The following PARP8 variants were observed in gnomAD, a reference collection of about 807,000 sequenced individuals.
PARP8 encodes protein mono-ADP-ribosyltransferase PARP8.
A neutral mutation model predicts 124.1 loss-of-function variants in PARP8; 51 were observed. That is an observed-to-expected ratio of 0.41 (90% confidence interval 0.33 to 0.52). The LOEUF is 0.52. PARP8 is among the 20% of genes least tolerant of loss of function. The probability of loss-of-function intolerance (pLI) is 0.21; values close to 1 mark genes in which losing one functional copy is unlikely to be tolerated. For missense variants in PARP8, 860 were observed against 1,018.9 expected (o/e 0.84, Z 2.12); for synonymous variants, 391 against 361.5 (o/e 1.08, Z -0.93).
At chr5:50,681,178 T>A (rs1751248816) in intron 2 of PARP8, among the ~76,000 whole-genome samples, 1 of 152,210 alleles carries the variant, frequency 6.6e-6, no homozygotes, top group South Asian at 2.1e-4. Context: ...TTTCTTAAAA[T>A]TTTAAATGAC....
Position 50,714,815 on chromosome 5 carries a change from G to T in PARP8, c.147-35336G>T, listed in dbSNP as rs9292104. Among the ~76,000 whole-genome samples the T allele has an allele frequency of 2.2e-3, 336 of 152,032 alleles. 1 individual carries two copies. The highest frequency in any genetic ancestry group is 7.7e-3 in the African/African-American group (319 of 41,472). On this transcript the variant is annotated intron_variant, in intron 2 of 25. Coordinates refer to ENST00000281631, the MANE Select transcript of PARP8 (RefSeq NM_024615.4). ...GCAGCTGACTGTGTGTACAAGACTG[G>T]GGCTTTTCCAGGGTCTTTAAGGCAG...
chr5:50,788,463 G>A (rs1554061931), intron 9 of PARP8, 60 bp from the exon 10 acceptor site: 1 of 1,485,588 alleles, frequency 6.7e-7, no homozygotes, highest in Non-Finnish European at 9.4e-7. Flanking sequence ...CCTTTTTCTG[G>A]CTGATGGTTG....
At position 50,788,571 on chromosome 5, in the gene PARP8, T is replaced by C. The variant is rs769400313; in HGVS notation, c.719T>C (p.Leu240Ser). 1 of 1,613,200 alleles carries C rather than the reference T, an allele frequency of 6.2e-7. No individual in the cohort carries two copies. Among genetic ancestry groups the C allele is most frequent in the South Asian group, 1.1e-5 (1 of 91,032 alleles). The stretch of plus-strand genomic sequence containing the variant: ...ATTTCCACAAAAGAGCGATTTGGAT[T>C]GGGACATCAGCTGAAAAAGTAAGTT... The part of the protein sequence containing the change: ...FQISTKERFG[L>S]GHQLKKIMQT... Residue 240 changes from leucine (L) to serine (S), a missense_variant, in exon 10 of 26, where the codon TTG becomes TCG. Coordinates refer to ENST00000281631, the MANE Select transcript of PARP8 (RefSeq NM_024615.4).
At chr5:50,826,032 A>C (rs1561437146) in intron 18 of PARP8, among the ~76,000 whole-genome samples, 2 of 151,890 alleles carry the variant, frequency 1.3e-5, no homozygotes, top group Non-Finnish European at 2.9e-5. Flanking sequence ...TAACCTTTAA[A>C]TTTTTCTCAT....
chr5:50,693,722 T>C (rs1026862708), intron 2 of PARP8, among the ~76,000 whole-genome samples: 1 of 151,590 alleles, frequency 6.6e-6, no homozygotes, highest in Admixed American at 6.6e-5. Flanking sequence ...TTATATAATG[T>C]AATCGTATAA....
chr5:50,754,222 G>A (rs1264469610), intron 3 of PARP8, among the ~76,000 whole-genome samples: 3 of 146,984 alleles, frequency 2.0e-5, no homozygotes, highest in Non-Finnish European at 4.5e-5. Flanking sequence ...TAGGGTACAT[G>A]TGCACAACGT....
chr5:50,747,865 C>T (rs1381308493), intron 2 of PARP8, among the ~76,000 whole-genome samples: 1 of 149,090 alleles, frequency 6.7e-6, no homozygotes, highest in Non-Finnish European at 1.5e-5. Context: ...CTCCGCCTCC[C>T]GGGTTCACGC....
intron 9 of PARP8, among the ~76,000 whole-genome samples, chr5:50,780,093 A>T (rs1257973248): frequency 6.6e-6 from 1 of 152,188 alleles, no homozygotes; most frequent in East Asian, 1.9e-4. Flanking sequence ...TTCTATGTGC[A>T]TATGAATTTA....
At chr5:50,770,588 GAA>G (rs1226424458) in intron 7 of PARP8, among the ~76,000 whole-genome samples, 1 of 149,544 alleles carries the variant, frequency 6.7e-6, no homozygotes, top group East Asian at 2.0e-4. Flanking sequence ...AAGGAAAAAA[GAA>G]AGAGAAAGAA....
intron 2 of PARP8, among the ~76,000 whole-genome samples, chr5:50,747,034 A>C (rs1193449888): frequency 1.3e-5 from 2 of 152,280 alleles, no homozygotes; most frequent in South Asian, 2.1e-4. Flanking sequence ...TCTCTAAAAA[A>C]AATTTTTTTT....
At chr5:50,746,440 G>C (rs1758549990) in intron 2 of PARP8, among the ~76,000 whole-genome samples, 1 of 152,118 alleles carries the variant, frequency 6.6e-6, no homozygotes, top group African/African-American at 2.4e-5. Flanking sequence ...TCCAGGATTT[G>C]ATATTCTACT....
At chr5:50,841,742 T>TA (rs5867719) in intron 25 of PARP8, among the ~76,000 whole-genome samples, 4,885 of 146,810 alleles carry the variant, frequency 0.033, 226 homozygotes, top group African/African-American at 0.11. Context: ...TATGCGGGGA[T>TA]AAAAAAAAAA....
chr5:50,793,494 A>G (rs1219395273), intron 10 of PARP8, among the ~76,000 whole-genome samples: 1 of 152,152 alleles, frequency 6.6e-6, no homozygotes. Context: ...GCACTGATGG[A>G]GTGATTTTGA....
intron 25 of PARP8, 94 bp downstream of exon 25, chr5:50,835,109 A>G (rs971743783): frequency 2.4e-4 from 221 of 936,052 alleles, no homozygotes; most frequent in Middle Eastern, 1.3e-3. Context: ...AGCTGCCAAA[A>G]TATAACAGGT....
chr5:50,678,938 A>C (rs1317513161), intron 2 of PARP8, among the ~76,000 whole-genome samples: 1 of 152,152 alleles, frequency 6.6e-6, no homozygotes, highest in Non-Finnish European at 1.5e-5. Context: ...GGGGGAAAAA[A>C]ATGCCCTTTT....
At chr5:50,778,951 G>T (rs955298760) in intron 9 of PARP8, among the ~76,000 whole-genome samples, 1 of 151,808 alleles carries the variant, frequency 6.6e-6, no homozygotes, top group Non-Finnish European at 1.5e-5. Flanking sequence ...ATATATTTTG[G>T]GTTTTCCTTA....
chr5:50,709,844 AGTGT>A (rs35238386), intron 2 of PARP8, among the ~76,000 whole-genome samples: 2,606 of 127,640 alleles, frequency 0.02, 43 homozygotes, highest in South Asian at 0.056. Flanking sequence ...TTTGTACAAG[AGTGT>A]GTGTGTGTGT....
chr5:50,746,948 A>C (rs1193219944), intron 2 of PARP8, among the ~76,000 whole-genome samples: 1 of 151,788 alleles, frequency 6.6e-6, no homozygotes. Flanking sequence ...CAGTTGCTTG[A>C]CCCCAGGAGT....
chr5:50,797,070 A>G, intron 13 of PARP8, 38 bp downstream of exon 13: 1 of 1,610,458 alleles, frequency 6.2e-7, no homozygotes, highest in Non-Finnish European at 8.5e-7. Flanking sequence ...CAAATATTTT[A>G]GTTCTTACGG....
Sources: allele counts gnomAD v4.1 joint callset (sites outside exome capture counted in the v4.1 genomes callset), GRCh38; gene constraint gnomAD v4.1.1; transcripts MANE v1.5; gene names NCBI Gene and HGNC (gene_info 2026-07-23, HGNC 2026-07-21).